The following ARSG variants were observed in gnomAD, a reference collection of about 807,000 sequenced individuals.
ARSG encodes ASG.
In ARSG, 37 loss-of-function variants were observed where a neutral mutation model predicts 50.5. The ratio of observed to expected loss-of-function variants is 0.73; its 90% CI spans 0.56 to 0.96. The LOEUF (loss-of-function observed/expected upper bound fraction) is 0.96. Ranked by LOEUF, ARSG falls within the 50% of genes least tolerant of loss-of-function variation. ARSG has a pLI of 0.00. For synonymous variants in ARSG, 225 were observed against 254.6 expected (o/e 0.88, Z 1.11); for missense variants, 629 against 675.3 (o/e 0.93, Z 0.76).
At chr17:68,433,152 C>T in the ARSG span, among the ~76,000 whole-genome samples, 1 of 152,256 alleles carries the variant, frequency 6.6e-6, no homozygotes, top group African/African-American at 2.4e-5. Context: ...GATCTGCAGA[C>T]TCATTTAATA....
At chr17:68,431,225 T>C in the ARSG span, among the ~76,000 whole-genome samples, 1 of 152,150 alleles carries the variant, frequency 6.6e-6, no homozygotes. Context: ...AGGCAGGAGC[T>C]AGTCCAGGAC....
At chr17:68,331,735 C>G (rs562241515) in intron 2 of ARSG, among the ~76,000 whole-genome samples, 98 of 152,198 alleles carry the variant, frequency 6.4e-4, no homozygotes, top group Non-Finnish European at 1.1e-3. Flanking sequence ...GTCAGCCAGT[C>G]TGAGAAATAA....
chr17:68,272,259 T>C (rs2075367335), intron 1 of ARSG, among the ~76,000 whole-genome samples: 1 of 152,194 alleles, frequency 6.6e-6, no homozygotes, highest in South Asian at 2.1e-4. Flanking sequence ...TTTGAGATGA[T>C]CTACACACAG....
intron 5 of ARSG, among the ~76,000 whole-genome samples, chr17:68,356,079 A>G (rs929026100): frequency 1.3e-4 from 19 of 151,968 alleles, no homozygotes; most frequent in African/African-American, 2.2e-4. Flanking sequence ...ACAGGGTTTC[A>G]CCCTGCTGGC....
chr17:68,259,945 T>C (rs1447024217), intron 1 of ARSG, among the ~76,000 whole-genome samples: 4 of 152,208 alleles, frequency 2.6e-5, no homozygotes, highest in Non-Finnish European at 4.4e-5. Flanking sequence ...ACAGCCGGTG[T>C]TGACATTCAA....
intron 2 of ARSG, among the ~76,000 whole-genome samples, chr17:68,335,522 C>T (rs1367830743): frequency 6.7e-6 from 1 of 150,066 alleles, no homozygotes; most frequent in Non-Finnish European, 1.5e-5. Flanking sequence ...CCACTGCCCT[C>T]CAGCCTGGGC....
At chr17:68,427,264 C>T (rs1252856822), downstream of ARSG, 1 of 1,602,026 alleles carries the variant, frequency 6.2e-7, no homozygotes, top group Admixed American at 1.7e-5. Context: ...CTACTTGTGA[C>T]AATCAAGAGG....
the ARSG span, among the ~76,000 whole-genome samples, chr17:68,435,284 A>G: frequency 6.6e-6 from 1 of 152,124 alleles, no homozygotes; most frequent in African/African-American, 2.4e-5. Context: ...CTAAATAGCA[A>G]AGTAAAGCAT....
chr17:68,361,068 A>G (rs1460127998), intron 6 of ARSG, among the ~76,000 whole-genome samples: 2 of 152,040 alleles, frequency 1.3e-5, no homozygotes, highest in Non-Finnish European at 2.9e-5. Context: ...CAGGTGATCT[A>G]CCTGCCTCGG....
rs2076632608 is a variant in ARSG at position 68,306,940 on chromosome 17, C to T, written c.-551-3C>T. 6.6e-6 allele frequency: 1 copy of T among 152,320 alleles called. No homozygotes were observed. The highest frequency in any genetic ancestry group is 1.5e-5 in the Non-Finnish European group (1 of 68,124). 9.4% of individuals were successfully genotyped at this position (152,320 alleles called of 1,614,324 possible). A position where few individuals can be genotyped will look rare whatever the true frequency, so the allele number is the denominator to read the frequency against. On this transcript the variant is annotated splice_polypyrimidine_tract_variant and splice_region_variant and intron_variant, in intron 1 of 11. Transcript: ENST00000621439. Reference sequence around the variant, plus strand: ...GTTTTCTTGTCAATTTTTGTTCTTTCAGGAAACCTTACAGAAACATGAAGC... The same window carrying T: ...GTTTTCTTGTCAATTTTTGTTCTTTTAGGAAACCTTACAGAAACATGAAGC...
chr17:68,435,978 G>A, the ARSG span, among the ~76,000 whole-genome samples: 34 of 152,224 alleles, frequency 2.2e-4, no homozygotes, highest in African/African-American at 3.4e-4. Flanking sequence ...TGATGCCGTC[G>A]CAGGCGCGCC....
intron 9 of ARSG, among the ~76,000 whole-genome samples, chr17:68,392,221 A>G (rs1427000805): frequency 6.6e-6 from 1 of 152,050 alleles, no homozygotes; most frequent in Non-Finnish European, 1.5e-5. Flanking sequence ...GCTGACTTCC[A>G]GTTGGCCTGG....
intron 1 of ARSG, chr17:68,269,044 C>A: frequency 6.3e-7 from 1 of 1,591,308 alleles, no homozygotes; most frequent in Non-Finnish European, 8.6e-7. Flanking sequence ...CCCGTTGGGC[C>A]CACCCCATCC....
At chr17:68,450,732 C>A in the ARSG span, 2 of 1,604,980 alleles carry the variant, frequency 1.2e-6, no homozygotes, top group South Asian at 1.1e-5. Context: ...ACTTACTTGC[C>A]GGTTCAGCCT....
chr17:68,379,407 C>G (rs2080313655), intron 8 of ARSG, among the ~76,000 whole-genome samples: 1 of 144,868 alleles, frequency 6.9e-6, no homozygotes, highest in African/African-American at 2.6e-5. Context: ...TGCCACCATG[C>G]CTGGAACACT....
rs1231778030 is a variant in ARSG at position 68,399,061 on chromosome 17, A to G, written c.1213-2299A>G. Among the ~76,000 whole-genome samples the G allele has an allele frequency of 6.6e-6, 1 of 152,178 alleles. No individual in the cohort carries two copies. The highest frequency in any genetic ancestry group is 1.5e-5 in the Non-Finnish European group (1 of 68,030). On this transcript the variant is annotated intron_variant, in intron 10 of 11. Transcript: ENST00000621439. The surrounding 1 kb of genome is among the most constrained non-coding windows in gnomAD (Gnocchi z 4.6). ...TCATGATCAGGTCCAGAAATTGTCA[A>G]CGAAGGAACGTTTCCCCTAACAGCT...
intron 11 of ARSG, among the ~76,000 whole-genome samples, chr17:68,404,397 G>T (rs1014437237): frequency 2.6e-5 from 4 of 152,290 alleles, no homozygotes; most frequent in Admixed American, 2.6e-4. Flanking sequence ...GATCTATAAT[G>T]TATAATTTGG....
At chr17:68,346,858 G>T in intron 3 of ARSG, 1 of 1,406,902 alleles carries the variant, frequency 7.1e-7, no homozygotes, top group Non-Finnish European at 9.4e-7. Context: ...AGAGGCTCAG[G>T]CTTCTCCGGG....
In ARSG at chr17:68,296,354, CTT is replaced by C. The variant is rs2076207246; in HGVS notation, c.-552+4788_-552+4789del. On this transcript the variant is annotated intron_variant, in intron 1 of 11. Coordinates refer to ENST00000621439, the MANE Select transcript of ARSG (RefSeq NM_001267727.2). ...TTTCTTGCCTAAAGGGAGATGCTGA[CTT>C]TCCCTATCTTGTCTAAACAGGTACC... Among the ~76,000 whole-genome samples the C allele has an allele frequency of 3.9e-5, 6 of 152,318 alleles. 1 individual carries two copies. In the South Asian group the frequency reaches 1.2e-3, roughly 32 times the overall value.
Sources: gnomAD v4.1 joint callset for allele counts (sites outside exome capture counted in the v4.1 genomes callset) on GRCh38, gnomAD v4.1.1 for gene constraint, Gnocchi (gnomAD v3.1) non-coding constraint, MANE v1.5 for transcripts, NCBI Gene and HGNC (gene_info 2026-07-23, HGNC 2026-07-21) for gene names.